Variants in SLC38A12 observed in about 807,000 individuals in gnomAD.
SLC38A12 encodes the protein putative sodium-coupled neutral amino acid transporter 12.
chr17:74,779,399 T>C, the SLC38A12 span, among the ~76,000 whole-genome samples: 1 of 151,980 alleles, frequency 6.6e-6, no homozygotes, highest in Non-Finnish European at 1.5e-5. Flanking sequence ...CAAGTGCTTG[T>C]GTTGTTTTAT....
the SLC38A12 span, among the ~76,000 whole-genome samples, chr17:74,788,284 C>T: frequency 3.0e-3 from 452 of 152,328 alleles, 2 homozygotes; most frequent in Non-Finnish European, 5.5e-3. Flanking sequence ...ATTCCGGAGC[C>T]AAGTACCCAT....
the SLC38A12 span, among the ~76,000 whole-genome samples, chr17:74,793,741 G>A: frequency 9.2e-5 from 14 of 152,242 alleles, no homozygotes; most frequent in South Asian, 2.9e-3. Context: ...TGAGTGACAG[G>A]CCAACCCCAG....
At chr17:74,777,641 T>C in the SLC38A12 span, 18 of 1,407,460 alleles carry the variant, frequency 1.3e-5, no homozygotes, top group Non-Finnish European at 1.7e-5. Context: ...AATCCCGGGC[T>C]GGGCACGGTG....
chr17:74,836,250 G>A, the SLC38A12 span: 90 of 1,611,276 alleles, frequency 5.6e-5, no homozygotes, highest in East Asian at 8.9e-4. This position sits in a 1 kb window ranked among gnomAD's most constrained non-coding sequence, Gnocchi z 4.2. Context: ...GGGCCTGGCC[G>A]CTGTGCGCTT....
the SLC38A12 span, chr17:74,819,829 T>C: frequency 6.2e-7 from 1 of 1,614,074 alleles, no homozygotes. Flanking sequence ...CTGACCTCTC[T>C]GATGAGATGG....
the SLC38A12 span, chr17:74,838,169 A>T: frequency 3.0e-6 from 3 of 985,432 alleles, no homozygotes; most frequent in African/African-American, 5.2e-5. Context: ...TGCGTGGTGT[A>T]ATTGGCCTCA....
the SLC38A12 span, among the ~76,000 whole-genome samples, chr17:74,832,370 T>A: frequency 6.6e-6 from 1 of 152,174 alleles, no homozygotes; most frequent in Non-Finnish European, 1.5e-5. Context: ...CTTCATATCC[T>A]CATGGTGGTG....
At chr17:74,837,915 G>A in the SLC38A12 span, 38 of 985,508 alleles carry the variant, frequency 3.9e-5, no homozygotes, top group Non-Finnish European at 4.5e-5. Context: ...GGAGCCCAGA[G>A]CCCCTGGCCT....
chr17:74,792,163 T>C, the SLC38A12 span, among the ~76,000 whole-genome samples: 2 of 145,298 alleles, frequency 1.4e-5, no homozygotes, highest in African/African-American at 5.1e-5. Flanking sequence ...AAAAAAAGAA[T>C]TTAATGGCCA....
the SLC38A12 span, chr17:74,777,239 G>T: frequency 6.8e-7 from 1 of 1,460,552 alleles, no homozygotes; most frequent in Non-Finnish European, 9.6e-7. Flanking sequence ...CATCAGATAG[G>T]TGAAGCCTGC....
At chr17:74,777,249 C>G in the SLC38A12 span, 1 of 1,531,484 alleles carries the variant, frequency 6.5e-7, no homozygotes, top group Non-Finnish European at 9.0e-7. Flanking sequence ...GTGAAGCCTG[C>G]TCTTTTGTTT....
At chr17:74,805,657 CG>C in the SLC38A12 span, among the ~76,000 whole-genome samples, 4 of 152,156 alleles carry the variant, frequency 2.6e-5, no homozygotes, top group African/African-American at 9.7e-5. The surrounding 1 kb of genome is among the most constrained non-coding windows in gnomAD (Gnocchi z 5.0). Flanking sequence ...CAAGGCCAGA[CG>C]TCAGCAGAAA....
chr17:74,825,221 T>G, the SLC38A12 span, among the ~76,000 whole-genome samples: 3 of 152,122 alleles, frequency 2.0e-5, no homozygotes, highest in Non-Finnish European at 2.9e-5. Context: ...ACGGCCCAGG[T>G]CTCTGCGGCA....
chr17:74,789,863 AAAAAG>A, the SLC38A12 span, among the ~76,000 whole-genome samples: 1 of 151,298 alleles, frequency 6.6e-6, no homozygotes, highest in Non-Finnish European at 1.5e-5. Context: ...AAAAAAAAAA[AAAAAG>A]GAAGCAGGTT....
At chr17:74,834,611 C>T in the SLC38A12 span, among the ~76,000 whole-genome samples, 3 of 152,196 alleles carry the variant, frequency 2.0e-5, no homozygotes, top group Admixed American at 2.0e-4. Flanking sequence ...CCATAGGATA[C>T]CCAGCCTCCC....
At chr17:74,836,031 G>C in the SLC38A12 span, 1 of 1,611,926 alleles carries the variant, frequency 6.2e-7, no homozygotes, top group Non-Finnish European at 8.5e-7. The surrounding 1 kb of genome is among the most constrained non-coding windows in gnomAD (Gnocchi z 4.2). Flanking sequence ...CCTGTTTGGG[G>C]TGTGCGTCTA....
At chr17:74,830,044 TTC>T in the SLC38A12 span, among the ~76,000 whole-genome samples, 2 of 152,078 alleles carry the variant, frequency 1.3e-5, no homozygotes, top group Non-Finnish European at 2.9e-5. Context: ...ACTCTGATCT[TTC>T]TGTCCCTGCC....
At chr17:74,825,940 C>T in the SLC38A12 span, among the ~76,000 whole-genome samples, 1 of 152,180 alleles carries the variant, frequency 6.6e-6, no homozygotes, top group African/African-American at 2.4e-5. Context: ...CATCCTTGCT[C>T]GGTGCCACCT....
the SLC38A12 span, among the ~76,000 whole-genome samples, chr17:74,823,607 G>A: frequency 2.0e-5 from 3 of 152,394 alleles, no homozygotes; most frequent in South Asian, 4.1e-4. Context: ...GGGCTGGTCA[G>A]TGTGGGATGC....
Sources: allele counts gnomAD v4.1 joint callset (sites outside exome capture counted in the v4.1 genomes callset), GRCh38; gene constraint gnomAD v4.1.1; non-coding constraint Gnocchi (gnomAD v3.1); transcripts MANE v1.5; gene names NCBI Gene and HGNC (gene_info 2026-07-23, HGNC 2026-07-21).